The following RPE65 variants were observed in gnomAD, a reference collection of about 807,000 sequenced individuals.
RPE65 encodes retinoid isomerohydrolase.
RPE65 carries 58 observed loss-of-function variants against 68.5 expected under a neutral mutation model. The ratio of observed to expected loss-of-function variants is 0.85; its 90% CI spans 0.69 to 1.05. The LOEUF (loss-of-function observed/expected upper bound fraction) is 1.05, where lower values mean the gene tolerates loss of function less well. RPE65 is among the 50% of genes least tolerant of loss of function. The pLI, the probability that RPE65 is intolerant of heterozygous loss-of-function variation, is 0.00. For synonymous variants in RPE65, 220 were observed against 222.2 expected (o/e 0.99, Z 0.09); for missense variants, 643 against 629.9 (o/e 1.02, Z -0.22).
Position 68,448,751 on chromosome 1 carries a change from A to C in RPE65, c.12-45T>G, listed in dbSNP as rs1482619221. 3.9e-6 allele frequency: 6 copies of C among 1,524,908 alleles called. No individual in the cohort carries two copies. The Admixed American group carries it at 1.1e-4, about 27-fold the overall frequency. The allele number at this position is 1,524,908 out of a possible 1,614,324, so 94.5% of individuals were successfully genotyped here. On this transcript the variant is annotated intron_variant, in intron 1 of 13. Coordinates refer to ENST00000262340, the MANE Select transcript of RPE65 (RefSeq NM_000329.3). ...AGGAAGAAGCCCATGTTGATGCTCA[A>C]AGTCCGCAGAGATAGAGGCAGAGCT...
intron 10 of RPE65, among the ~76,000 whole-genome samples, chr1:68,433,549 A>G (rs981601408): frequency 6.6e-6 from 1 of 152,340 alleles, no homozygotes; most frequent in South Asian, 2.1e-4. Flanking sequence ...AAAAGAAAAC[A>G]TAGCCATCAG....
chr1:68,432,614 G>A (rs1645835222), intron 10 of RPE65, among the ~76,000 whole-genome samples: 1 of 152,098 alleles, frequency 6.6e-6, no homozygotes, highest in Non-Finnish European at 1.5e-5. Flanking sequence ...CTAGGGGAGA[G>A]AATAAGAAAG....
intron 2 of RPE65, among the ~76,000 whole-genome samples, chr1:68,448,063 T>C (rs1357292477): frequency 6.6e-6 from 1 of 152,236 alleles, no homozygotes; most frequent in Non-Finnish European, 1.5e-5. Flanking sequence ...TGAATCATTC[T>C]ATTTACATTA....
intron 2 of RPE65, among the ~76,000 whole-genome samples, 157 bp downstream of exon 2, chr1:68,448,467 G>C (rs1233549387): frequency 6.6e-6 from 1 of 152,104 alleles, no homozygotes; most frequent in Non-Finnish European, 1.5e-5. Context: ...AAAGGCGAAT[G>C]AAAGAAAATG....
At chr1:68,441,107 C>T (rs1645899656) in intron 5 of RPE65, 107 bp from the exon 6 acceptor site, 4 of 1,313,704 alleles carry the variant, frequency 3.0e-6, no homozygotes, top group Non-Finnish European at 4.3e-6. Flanking sequence ...ATCCTAAGTG[C>T]ACTTCTCTTT....
At chr1:68,432,222 T>C (rs1645831941) in intron 10 of RPE65, among the ~76,000 whole-genome samples, 1 of 152,132 alleles carries the variant, frequency 6.6e-6, no homozygotes, top group South Asian at 2.1e-4. Flanking sequence ...TATTCTAGAC[T>C]CTATTCTTGG....
intron 3 of RPE65, 100 bp from the exon 4 acceptor site, chr1:68,444,983 C>T: frequency 2.1e-6 from 2 of 975,232 alleles, no homozygotes; most frequent in Non-Finnish European, 1.6e-6. Flanking sequence ...CATCAAGTCA[C>T]AATCATAAAT....
intron 2 of RPE65, among the ~76,000 whole-genome samples, chr1:68,448,031 T>G (rs2100833268): frequency 6.6e-6 from 1 of 152,344 alleles, no homozygotes; most frequent in Non-Finnish European, 1.5e-5. Flanking sequence ...TGTCTATTGA[T>G]CACTTTGTGT....
intron 3 of RPE65, among the ~76,000 whole-genome samples, chr1:68,446,332 C>A (rs1645943098): frequency 1.3e-5 from 2 of 152,068 alleles, no homozygotes; most frequent in South Asian, 4.1e-4. Context: ...TTTGTGTGTG[C>A]TAGACACTGC....
At position 68,444,861 on chromosome 1, in the gene RPE65, C is replaced by T. The variant is rs370076628; in HGVS notation, c.268G>A (p.Val90Ile). The change falls in exon 4 of 14, where the codon GTA becomes ATA. Residue 90 changes from valine to isoleucine, a missense_variant. Physicochemically the swap from Val to Ile is conservative, Grantham distance 29. Coordinates refer to ENST00000262340, the MANE Select transcript of RPE65 (RefSeq NM_000329.3). ...ATCCTTTTCTCAGTCATTGCCCGTA[C>T]GTAAGCATCAGTGCGGATGAACCTG... is the stretch of plus-strand genomic sequence containing the variant. ...HRRFIRTDAY[V>I]RAMTEKRIVI... is the part of the protein sequence containing the mutation. 36 of 1,613,936 alleles carry T rather than the reference C, an allele frequency of 2.2e-5. No homozygotes were observed. Among genetic ancestry groups the T allele is most frequent in the Admixed American group, 8.3e-5 (5 of 59,992 alleles).
intron 5 of RPE65, among the ~76,000 whole-genome samples, chr1:68,441,957 T>C (rs1351770377): frequency 6.6e-6 from 1 of 152,176 alleles, no homozygotes; most frequent in Admixed American, 6.5e-5. Context: ...AGAGAAGATC[T>C]TTGCTTTCAA....
intron 2 of RPE65, among the ~76,000 whole-genome samples, chr1:68,448,321 A>G (rs1253383152): frequency 6.6e-6 from 1 of 152,294 alleles, no homozygotes; most frequent in East Asian, 1.9e-4. Flanking sequence ...ACACCAATGG[A>G]ACAGACATTT....
chr1:68,449,862 GGT>G, intron 1 of RPE65, 31 bp downstream of exon 1: 1 of 1,610,814 alleles, frequency 6.2e-7, no homozygotes, highest in Non-Finnish European at 8.5e-7. Context: ...AATCCATGAA[GGT>G]GTTTTAAAAA....
chr1:68,444,686 T>G lies in RPE65; in HGVS notation c.354-14A>C. On this transcript the variant is annotated splice_polypyrimidine_tract_variant and intron_variant, in intron 4 of 13. Transcript: ENST00000262340. Reference sequence around the variant, plus strand: ...TAAGAAAAAAACCTGTAGAAACAAATGAATTTTTCAGTCCAGTAATTTTCA... The same window carrying G: ...TAAGAAAAAAACCTGTAGAAACAAAGGAATTTTTCAGTCCAGTAATTTTCA... 6.2e-7 allele frequency: 1 copy of G among 1,614,112 alleles called. No homozygotes were observed. The highest frequency in any genetic ancestry group is 8.5e-7 in the Non-Finnish European group (1 of 1,180,008).
intron 1 of RPE65, among the ~76,000 whole-genome samples, 187 bp from the exon 2 acceptor site, chr1:68,448,893 G>T (rs1452558875): frequency 6.9e-6 from 1 of 145,426 alleles, no homozygotes; most frequent in Admixed American, 6.9e-5. Context: ...GGAGGAGCAC[G>T]TGAGGCTGGG....
At chr1:68,447,393 G>GA (rs1400917748) in intron 2 of RPE65, among the ~76,000 whole-genome samples, 2 of 152,190 alleles carry the variant, frequency 1.3e-5, no homozygotes, top group Non-Finnish European at 2.9e-5. Flanking sequence ...CTGCTTGGAT[G>GA]AAAGTCAATC....
rs114698131 is a variant in RPE65 at position 68,442,274 on chromosome 1, G to A, written c.496-1274C>T. Among the ~76,000 whole-genome samples, 522 of 152,328 alleles carry A rather than the reference G, an allele frequency of 3.4e-3. 4 individuals are homozygous for A. The highest frequency in any genetic ancestry group is 0.012 in the African/African-American group (486 of 41,588). On this transcript the variant is annotated intron_variant, in intron 5 of 13. Transcript: ENST00000262340. Reference sequence around the variant, plus strand: ...ACTCCAACTAATGTTTGAAAGGTGCGTGGAGTTAGCCAAGTGGAGCAGGAT... The same window carrying A: ...ACTCCAACTAATGTTTGAAAGGTGCATGGAGTTAGCCAAGTGGAGCAGGAT...
chr1:68,442,818 T>C (rs2038901), intron 5 of RPE65, among the ~76,000 whole-genome samples: 65,169 of 151,950 alleles, frequency 0.43, 15,229 homozygotes, highest in East Asian at 0.77. Context: ...CACACTTGTA[T>C]ATGGTTACAC....
At chr1:68,446,290 C>T (rs964389534) in intron 3 of RPE65, among the ~76,000 whole-genome samples, 10 of 151,960 alleles carry the variant, frequency 6.6e-5, no homozygotes, top group African/African-American at 9.7e-5. Flanking sequence ...ATAATAATAA[C>T]AAGCATCACA....
Sources: gnomAD v4.1 joint callset for allele counts (sites outside exome capture counted in the v4.1 genomes callset) on GRCh38, gnomAD v4.1.1 for gene constraint, MANE v1.5 for transcripts, NCBI Gene and HGNC (gene_info 2026-07-23, HGNC 2026-07-21) for gene names.